The following ORAI3 variants were observed in gnomAD, a reference collection of about 807,000 sequenced individuals.
The protein encoded by ORAI3 is protein orai-3.
A neutral mutation model predicts 17.2 loss-of-function variants in ORAI3; 15 were observed. The ratio of observed to expected loss-of-function variants is 0.87; its 90% CI spans 0.58 to 1.34. The LOEUF (loss-of-function observed/expected upper bound fraction) is 1.34, where lower values mean the gene tolerates loss of function less well. Among genes scored for constraint, ORAI3 ranks in the 40% most tolerant of loss-of-function variants. The pLI, the probability that ORAI3 is intolerant of heterozygous loss-of-function variation, is 0.00. For missense variants in ORAI3, 405 were observed against 396.7 expected (o/e 1.02, Z -0.18); for synonymous variants, 178 against 172.4 (o/e 1.03, Z -0.25).
chr16:30,949,418 G>A lies in ORAI3; in HGVS notation c.129G>A (p.Gln43=), dbSNP rs1292863457. The A allele has an allele frequency of 6.2e-7, 1 of 1,604,570 alleles. No individual in the cohort carries two copies. Among genetic ancestry groups the A allele is most frequent in the South Asian group, 1.1e-5 (1 of 89,822 alleles). ...ACCTGGACCTCATGGGGGCCAGTCA[G>A]CACTCGCTGCGGGCGCTCAGCTGGC... ...RGYLDLMGAS[Q]HSLRALSWRR... Residue 43 remains glutamine, a synonymous_variant, in exon 1 of 2, where the codon CAG becomes CAA. Transcript: ENST00000318663.
At chr16:30,953,127 A>C (rs1373120381) in intron 1 of ORAI3, 58 bp from the exon 2 acceptor site, 12 of 1,503,598 alleles carry the variant, frequency 8.0e-6, no homozygotes, top group Middle Eastern at 1.9e-4. Flanking sequence ...GATAGGCGGA[A>C]AAAATCTCTA....
Position 30,949,285 on chromosome 16 carries a change from C to G in ORAI3, c.-5C>G, listed in dbSNP as rs368110163. On this transcript the variant is annotated 5_prime_UTR_variant, in exon 1 of 2. Transcript: ENST00000318663. ...GTGACCGCCTGGTGCCGCCCCCCCC[C>G]CAGGATGAAGGGCGGCGAGGGGGAC... 65 of 1,402,386 alleles carry G rather than the reference C, an allele frequency of 4.6e-5. No homozygotes were observed. The highest frequency in any genetic ancestry group is 4.1e-4 in the African/African-American group (27 of 65,840). 86.9% of individuals were successfully genotyped at this position (1,402,386 alleles called of 1,614,324 possible). A position where few individuals can be genotyped will look rare whatever the true frequency, so the allele number is the denominator to read the frequency against.
Position 30,953,178 on chromosome 16 carries a change from C to T in ORAI3, c.229-7C>T, listed in dbSNP as rs746096601. The T allele has an allele frequency of 6.4e-7, 1 of 1,568,518 alleles. No individual in the cohort carries two copies. Among genetic ancestry groups the T allele is most frequent in the Admixed American group, 1.8e-5 (1 of 54,738 alleles). On this transcript the variant is annotated splice_region_variant and splice_polypyrimidine_tract_variant and intron_variant, in intron 1 of 1. Transcript: ENST00000318663. ...GGAGATCAGTACATCCCCTCTTGTC[C>T]CTGCAGGTGGCCATGGTGGAGGTGC...
intron 1 of ORAI3, among the ~76,000 whole-genome samples, chr16:30,951,295 GCCCT>G (rs975638645): frequency 5.3e-5 from 8 of 152,122 alleles, no homozygotes; most frequent in African/African-American, 1.9e-4. Context: ...ACCAGGCACT[GCCCT>G]CAGTGCCTTT....
chr16:30,951,903 A>G (rs1224296239), intron 1 of ORAI3, among the ~76,000 whole-genome samples: 1 of 152,016 alleles, frequency 6.6e-6, no homozygotes, highest in African/African-American at 2.4e-5. Flanking sequence ...TTTTTAAGAA[A>G]CACACTGTGT....
Position 30,949,340 on chromosome 16 carries a change from G to C in ORAI3, c.51G>C (p.Glu17Asp), listed in dbSNP as rs943103302. 9.3e-6 allele frequency: 14 copies of C among 1,509,064 alleles called. No individual in the cohort carries two copies. The African/African-American group carries it at 1.9e-4, about 20-fold the overall frequency. 93.5% of individuals were successfully genotyped at this position (1,509,064 alleles called of 1,614,324 possible). The change falls in exon 1 of 2, where the codon GAG (glutamate) becomes GAC (aspartate). Residue 17 changes from glutamate (E) to aspartate (D), a missense_variant. By Grantham distance (45) the Glu-to-Asp change is conservative. Coordinates refer to ENST00000318663, the MANE Select transcript of ORAI3 (RefSeq NM_152288.3). The part of the protein sequence containing the change: ...DAGEQAPLNP[E>D]GESPAGSATY... ...GCGAGCAGGCCCCGCTGAACCCTGA[G>C]GGCGAGAGCCCTGCAGGCTCGGCCA...
At position 30,953,763 on chromosome 16, in the gene ORAI3, C is replaced by G; in HGVS notation, c.807C>G (p.Ser269=). 2 of 1,614,112 alleles carry G rather than the reference C, an allele frequency of 1.2e-6. No individual in the cohort carries two copies. The highest frequency in any genetic ancestry group is 1.7e-6 in the Non-Finnish European group (2 of 1,180,034). Residue 269 remains serine, a synonymous_variant, in exon 2 of 2, where the codon TCC becomes TCG. Coordinates refer to ENST00000318663, the MANE Select transcript of ORAI3 (RefSeq NM_152288.3). ...CCTTTGCCCTGCATTTCTACCGCTCCTTGGTGGCACACAAGACAGACCGCT... is the reference window on the plus strand; with the variant it reads ...CCTTTGCCCTGCATTTCTACCGCTCGTTGGTGGCACACAAGACAGACCGCT... The part of the protein sequence containing the change: ...FVAFALHFYR[S]LVAHKTDRYK...
rs1327695460 is a variant in ORAI3 at position 30,954,290 on chromosome 16, T to C, written c.*446T>C. 5.0e-6 allele frequency: 3 copies of C among 603,382 alleles called. No homozygotes were observed. The African/African-American group carries it at 5.6e-5, about 11-fold the overall frequency. 37.4% of individuals were successfully genotyped at this position (603,382 alleles called of 1,614,324 possible). A position where few individuals can be genotyped will look rare whatever the true frequency, so the allele number is the denominator to read the frequency against. On this transcript the variant is annotated 3_prime_UTR_variant, in exon 2 of 2. Coordinates refer to ENST00000318663, the MANE Select transcript of ORAI3 (RefSeq NM_152288.3). ...TGGAGTGTAGTGATACAGTCACAGC[T>C]CACTGTAGCCTCGACCTTCCAGGCT...
At chr16:30,950,545 C>G (rs2143415978) in intron 1 of ORAI3, among the ~76,000 whole-genome samples, 1 of 152,238 alleles carries the variant, frequency 6.6e-6, no homozygotes, top group East Asian at 1.9e-4. Context: ...GAACGCACTC[C>G]TGTGGGGGTG....
chr16:30,954,609 G>A lies in ORAI3; in HGVS notation c.*765G>A, dbSNP rs947391930. 5 of 161,134 alleles carry A rather than the reference G, an allele frequency of 3.1e-5. No individual in the cohort carries two copies. The highest frequency in any genetic ancestry group is 1.2e-4 in the African/African-American group (5 of 41,492). The allele number at this position is 161,134 out of a possible 1,614,324, so 10.0% of individuals were successfully genotyped here. On this transcript the variant is annotated 3_prime_UTR_variant, in exon 2 of 2. Transcript: ENST00000318663. Reference sequence around the variant, plus strand: ...TTTGGGTGTTTCTACCCAAGGCATTGGTCTAGCTTTTCCTACAATGAACCT... The same window carrying A: ...TTTGGGTGTTTCTACCCAAGGCATTAGTCTAGCTTTTCCTACAATGAACCT...
intron 1 of ORAI3, 114 bp downstream of exon 1, chr16:30,949,631 C>A: frequency 5.4e-6 from 4 of 738,656 alleles, no homozygotes; most frequent in Non-Finnish European, 6.2e-6. Context: ...GGGCTTTCGT[C>A]AAAGGGGGAA....
rs1424479309 is a variant in ORAI3, at chr16:30,953,205, G to C, written c.249G>C (p.Gln83His). Residue 83 changes from glutamine (Q) to histidine (H), a missense_variant, in exon 2 of 2, where the codon CAG becomes CAC. Coordinates refer to ENST00000318663, the MANE Select transcript of ORAI3 (RefSeq NM_152288.3). ...TGCAGGTGGCCATGGTGGAGGTGCA[G>C]CTGGAGAGTGACCACGAGTACCCAC... is the stretch of plus-strand genomic sequence containing the variant. ...GFAMVAMVEV[Q>H]LESDHEYPPG... 6.3e-7 allele frequency: 1 copy of C among 1,584,146 alleles called. No individual in the cohort carries two copies.
chr16:30,953,430 C>T lies in ORAI3; in HGVS notation c.474C>T (p.Gly158=), dbSNP rs534736297. The T allele has an allele frequency of 8.1e-6, 13 of 1,614,264 alleles. No individual in the cohort carries two copies. The highest frequency in any genetic ancestry group is 2.2e-5 in the South Asian group (2 of 91,090). Residue 158 remains glycine, a synonymous_variant, in exon 2 of 2, where the codon GGC becomes GGT. Transcript: ENST00000318663. ...ELAWGFSTAL[G]TFLFLAEVVL... ...CCTGGGGCTTCTCCACTGCCCTGGG[C>T]ACCTTTCTCTTCCTTGCTGAAGTTG...
rs756041711 is a variant in ORAI3, at chr16:30,953,394, C to T, written c.438C>T (p.Tyr146=). The T allele has an allele frequency of 6.2e-6, 10 of 1,614,126 alleles. No individual in the cohort carries two copies. Among genetic ancestry groups the T allele is most frequent in the Middle Eastern group, 1.6e-4 (1 of 6,084 alleles). Reference sequence around the variant, plus strand: ...CGCCACACCAGAGACTGCACCGCTACGTGGAGCTGGCCTGGGGCTTCTCCA... The same window carrying T: ...CGCCACACCAGAGACTGCACCGCTATGTGGAGCTGGCCTGGGGCTTCTCCA... The part of the protein sequence containing the change: ...HQSPHQRLHR[Y]VELAWGFSTA... The change falls in exon 2 of 2, where the codon TAC becomes TAT. Residue 146 remains tyrosine (Y), a synonymous_variant. Transcript: ENST00000318663.
rs763226764 is a variant in ORAI3 at position 30,953,370 on chromosome 16, G to T, written c.414G>T (p.Ser138=). Residue 138 remains serine, a synonymous_variant, in exon 2 of 2, where the codon TCG becomes TCT. Coordinates refer to ENST00000318663, the MANE Select transcript of ORAI3 (RefSeq NM_152288.3). Reference sequence around the variant, plus strand: ...ACAACCTCAACTCTGTCCACCAGTCGCCACACCAGAGACTGCACCGCTACG... The same window carrying T: ...ACAACCTCAACTCTGTCCACCAGTCTCCACACCAGAGACTGCACCGCTACG... ...NIHNLNSVHQ[S]PHQRLHRYVE... 6.2e-7 allele frequency: 1 copy of T among 1,614,196 alleles called. No individual in the cohort carries two copies. Among genetic ancestry groups the T allele is most frequent in the Non-Finnish European group, 8.5e-7 (1 of 1,180,024 alleles).
intron 1 of ORAI3, 153 bp downstream of exon 1, chr16:30,949,670 T>G: frequency 1.8e-5 from 12 of 650,420 alleles, no homozygotes; most frequent in East Asian, 3.1e-5. Flanking sequence ...ACTGAGCAAG[T>G]CCCTTCTTAC....
chr16:30,949,669 G>A, intron 1 of ORAI3, 152 bp downstream of exon 1: 1 of 669,814 alleles, frequency 1.5e-6, no homozygotes, highest in Non-Finnish European at 2.5e-6. Context: ...GACTGAGCAA[G>A]TCCCTTCTTA....
chr16:30,953,968 A>C lies in ORAI3; in HGVS notation c.*124A>C. On this transcript the variant is annotated 3_prime_UTR_variant, in exon 2 of 2. Coordinates refer to ENST00000318663, the MANE Select transcript of ORAI3 (RefSeq NM_152288.3). ...GGAGCCACTTCCAGTGGCCACTCTC[A>C]GGCAGAGTTCAGATTCCTGCCCGCA... is the stretch of plus-strand genomic sequence containing the variant. 2.0e-5 allele frequency: 22 copies of C among 1,102,838 alleles called. No homozygotes were observed. Among genetic ancestry groups the C allele is most frequent in the Non-Finnish European group, 2.8e-5 (21 of 750,406 alleles). The allele number at this position is 1,102,838 out of a possible 1,614,324, so 68.3% of individuals were successfully genotyped here.
At chr16:30,951,218 G>C (rs2055923443) in intron 1 of ORAI3, among the ~76,000 whole-genome samples, 1 of 152,188 alleles carries the variant, frequency 6.6e-6, no homozygotes, top group South Asian at 2.1e-4. Flanking sequence ...GAGAGAGTGG[G>C]CTTCTGAAAC....
Sources: allele counts gnomAD v4.1 joint callset (sites outside exome capture counted in the v4.1 genomes callset), GRCh38; gene constraint gnomAD v4.1.1; transcripts MANE v1.5; gene names NCBI Gene and HGNC (gene_info 2026-07-23, HGNC 2026-07-21).